MSRA: variants seen among roughly 807,000 people sequenced by gnomAD.
MSRA encodes methionine sulfoxide reductase A.
In MSRA, 54 loss-of-function variants were observed where a neutral mutation model predicts 31.3. The observed-to-expected ratio is 1.73, with a 90% CI of 1.39 to 2.17. The LOEUF (loss-of-function observed/expected upper bound fraction) is 2.17. Ranked by LOEUF, MSRA falls within the 30% of genes most tolerant of loss-of-function variation. The pLI, the probability that MSRA is intolerant of heterozygous loss-of-function variation, is 0.00. For synonymous variants in MSRA, 169 were observed against 116.5 expected, an observed-to-expected ratio of 1.45 and a Z score of -2.90; for missense variants, 507 against 300.9, an observed-to-expected ratio of 1.69 and a Z score of -5.07.
chr8:10,247,253 G>A (rs1217500238), intron 3 of MSRA, among the ~76,000 whole-genome samples: 2 of 152,182 alleles, frequency 1.3e-5, no homozygotes, highest in Admixed American at 6.5e-5. Context: ...CAGAGGGAGT[G>A]TAGAGGCTCA....
At chr8:10,256,694 C>G (rs1285670468) in intron 3 of MSRA, among the ~76,000 whole-genome samples, 3 of 152,242 alleles carry the variant, frequency 2.0e-5, no homozygotes, top group African/African-American at 4.8e-5. Flanking sequence ...TTTTCTCTCT[C>G]CAGAGTGTAA....
At chr8:10,239,808 T>G (rs1812255528) in intron 2 of MSRA, among the ~76,000 whole-genome samples, 1 of 152,216 alleles carries the variant, frequency 6.6e-6, no homozygotes, top group South Asian at 2.1e-4. Context: ...TTCTCTCCTT[T>G]GCTTTCCAAA....
intron 1 of MSRA, among the ~76,000 whole-genome samples, chr8:10,165,117 G>T (rs891535033): frequency 6.6e-6 from 1 of 152,104 alleles, no homozygotes; most frequent in Admixed American, 6.5e-5. Flanking sequence ...TTTTAAAAAG[G>T]CTCCCCAGGT....
At chr8:10,349,550 C>T (rs780228569) in intron 5 of MSRA, among the ~76,000 whole-genome samples, 46 of 152,206 alleles carry the variant, frequency 3.0e-4, no homozygotes, top group Non-Finnish European at 3.2e-4. Flanking sequence ...CACTCATGAC[C>T]TTGAACGTCC....
intron 1 of MSRA, among the ~76,000 whole-genome samples, chr8:10,063,436 C>G (rs1797307229): frequency 6.6e-6 from 1 of 152,132 alleles, no homozygotes; most frequent in Non-Finnish European, 1.5e-5. Context: ...TGCTGCTGGC[C>G]TCAGTGTTTC....
intron 5 of MSRA, among the ~76,000 whole-genome samples, chr8:10,427,873 C>G (rs1809281573): frequency 6.6e-6 from 1 of 152,216 alleles, no homozygotes; most frequent in South Asian, 2.1e-4. Flanking sequence ...CCAACATGCA[C>G]TTGGGATGGC....
At chr8:10,297,858 C>T (rs988075757) in intron 3 of MSRA, among the ~76,000 whole-genome samples, 4 of 152,190 alleles carry the variant, frequency 2.6e-5, no homozygotes, top group African/African-American at 9.7e-5. Context: ...ATATTGCTGT[C>T]ATGAAAGAAG....
chr8:10,198,959 G>A (rs17151299), intron 1 of MSRA, among the ~76,000 whole-genome samples: 11,610 of 152,176 alleles, frequency 0.076, 1,124 homozygotes, highest in African/African-American at 0.23. Flanking sequence ...GTCAGTGCTC[G>A]GCATTGTTTT....
chr8:10,247,209 C>G (rs1797668045), intron 3 of MSRA, among the ~76,000 whole-genome samples: 1 of 152,184 alleles, frequency 6.6e-6, no homozygotes, highest in African/African-American at 2.4e-5. Context: ...TTTCTCTAAG[C>G]AGTTCCATGA....
intron 5 of MSRA, among the ~76,000 whole-genome samples, chr8:10,424,281 A>T (rs1808993465): frequency 6.6e-6 from 1 of 152,242 alleles, no homozygotes; most frequent in Non-Finnish European, 1.5e-5. Flanking sequence ...GAGGGGAAGG[A>T]AAGGCTGAAA....
At chr8:10,306,365 G>C (rs992305026) in intron 4 of MSRA, among the ~76,000 whole-genome samples, 3 of 152,052 alleles carry the variant, frequency 2.0e-5, no homozygotes, top group Admixed American at 2.0e-4. Flanking sequence ...TTGTTGTTAC[G>C]TCTTTTTCAA....
chr8:10,352,238 A>C (rs1804197768), intron 5 of MSRA, among the ~76,000 whole-genome samples: 1 of 152,200 alleles, frequency 6.6e-6, no homozygotes, highest in African/African-American at 2.4e-5. Flanking sequence ...ATTTTTCCTG[A>C]ATCCTTAAAT....
At chr8:10,241,235 A>T (rs1288168838) in intron 2 of MSRA, among the ~76,000 whole-genome samples, 1 of 151,998 alleles carries the variant, frequency 6.6e-6, no homozygotes. Flanking sequence ...TCTTGGTGAA[A>T]TGGTCGATTC....
intron 5 of MSRA, among the ~76,000 whole-genome samples, chr8:10,349,572 G>A (rs927277459): frequency 6.6e-6 from 1 of 152,196 alleles, no homozygotes; most frequent in Non-Finnish European, 1.5e-5. Flanking sequence ...TTGAGCACAG[G>A]TCTCTGTTCC....
chr8:10,102,902 C>G (rs1418168489), intron 1 of MSRA, among the ~76,000 whole-genome samples: 2 of 152,134 alleles, frequency 1.3e-5, no homozygotes, highest in African/African-American at 4.8e-5. Context: ...GTAACCTGGA[C>G]AGTGTCTCAG....
rs934991510 is a variant in MSRA, at chr8:10,150,939, C to T, written c.143-56894C>T. Among the ~76,000 whole-genome samples, 79 of 152,028 alleles carry T rather than the reference C, an allele frequency of 5.2e-4. 2 individuals carry two copies. The highest frequency in any genetic ancestry group is 5.0e-3 in the Admixed American group (76 of 15,256). On this transcript the variant is annotated intron_variant, in intron 1 of 5. Transcript: ENST00000317173. ...AGGTGTGGCGTGGACAGACCCGTGTCGCTCCCTGGACACCACTGGTGGTAT... is the reference window on the plus strand; with the variant it reads ...AGGTGTGGCGTGGACAGACCCGTGTTGCTCCCTGGACACCACTGGTGGTAT...
intron 1 of MSRA, among the ~76,000 whole-genome samples, chr8:10,127,772 C>A (rs1344760762): frequency 6.6e-6 from 1 of 152,094 alleles, no homozygotes; most frequent in Admixed American, 6.5e-5. Context: ...TTTTAAAATG[C>A]CAGAGTTTGA....
At chr8:10,335,726 A>C (rs1802998836) in intron 5 of MSRA, among the ~76,000 whole-genome samples, 1 of 152,168 alleles carries the variant, frequency 6.6e-6, no homozygotes, top group Non-Finnish European at 1.5e-5. Context: ...CCCCAGAGGG[A>C]GGGCACCCAC....
chr8:10,225,703 T>A (rs1214642171), intron 2 of MSRA, among the ~76,000 whole-genome samples: 1 of 152,132 alleles, frequency 6.6e-6, no homozygotes, highest in African/African-American at 2.4e-5. Flanking sequence ...AGCTCTCGTT[T>A]TGATGTAGAT....
Sources: gnomAD v4.1 joint callset for allele counts (sites outside exome capture counted in the v4.1 genomes callset) on GRCh38, gnomAD v4.1.1 for gene constraint, MANE v1.5 for transcripts, NCBI Gene and HGNC (gene_info 2026-07-23, HGNC 2026-07-21) for gene names.